Variants in NXPE2 observed in about 807,000 individuals in gnomAD.
NXPE2 encodes the protein NXPE family member 2.
Under a neutral mutation model 34.4 loss-of-function variants are expected in NXPE2, and 34 were observed. The observed-to-expected ratio is 0.99, with a 90% confidence interval of 0.75 to 1.31. The LOEUF is 1.31. NXPE2 is among the 40% of genes most tolerant of loss of function. The pLI is 0.00. For missense variants in NXPE2, 649 were observed against 672.5 expected (o/e 0.97, Z 0.39); for synonymous variants, 235 against 231.3 (o/e 1.02, Z -0.15).
the NXPE2 span, among the ~76,000 whole-genome samples, chr11:114,520,401 G>A: frequency 1.3e-5 from 2 of 151,834 alleles, no homozygotes; most frequent in Non-Finnish European, 2.9e-5. Flanking sequence ...TTTACTTAGC[G>A]TAACGTCCTC....
the NXPE2 span, among the ~76,000 whole-genome samples, chr11:114,500,782 G>C: frequency 6.6e-6 from 1 of 152,112 alleles, no homozygotes; most frequent in South Asian, 2.1e-4. Flanking sequence ...TTGGTATGAA[G>C]TGGTATGAAT....
chr11:114,621,054 C>T, the NXPE2 span, among the ~76,000 whole-genome samples: 8 of 152,212 alleles, frequency 5.3e-5, no homozygotes, highest in Admixed American at 2.0e-4. Flanking sequence ...AGTGTTGCCT[C>T]GTTGGTAACC....
the NXPE2 span, among the ~76,000 whole-genome samples, chr11:114,799,263 C>T: frequency 1.5e-5 from 1 of 66,576 alleles, no homozygotes; most frequent in Non-Finnish European, 2.8e-5. Flanking sequence ...ATCTGTCCTA[C>T]AAATGGAGAA....
chr11:114,645,888 A>T, the NXPE2 span, among the ~76,000 whole-genome samples: 1 of 152,182 alleles, frequency 6.6e-6, no homozygotes, highest in Non-Finnish European at 1.5e-5. Flanking sequence ...TATTTGGCAT[A>T]ATGGGCTCTT....
At chr11:114,650,301 A>T in the NXPE2 span, among the ~76,000 whole-genome samples, 99 of 152,332 alleles carry the variant, frequency 6.5e-4, no homozygotes, top group African/African-American at 2.3e-3. Context: ...GTTAAACGCC[A>T]AATGTGAGCT....
chr11:114,542,228 T>C, the NXPE2 span, among the ~76,000 whole-genome samples: 1 of 152,130 alleles, frequency 6.6e-6, no homozygotes, highest in Non-Finnish European at 1.5e-5. Flanking sequence ...ATTTGTAGAG[T>C]AAAATGTTTA....
At chr11:114,538,670 A>G in the NXPE2 span, among the ~76,000 whole-genome samples, 1 of 152,122 alleles carries the variant, frequency 6.6e-6, no homozygotes, top group Non-Finnish European at 1.5e-5. Context: ...GCAGCCAAAA[A>G]ACACGTGAAA....
At chr11:114,563,280 ATC>A in the NXPE2 span, among the ~76,000 whole-genome samples, 1 of 152,194 alleles carries the variant, frequency 6.6e-6, no homozygotes, top group Non-Finnish European at 1.5e-5. Flanking sequence ...CTAATCCCTC[ATC>A]TCTCTTTTTA....
At chr11:114,742,620 AT>A in the NXPE2 span, among the ~76,000 whole-genome samples, 34 of 133,688 alleles carry the variant, frequency 2.5e-4, no homozygotes, top group African/African-American at 8.2e-4. Context: ...TTATTCTTGG[AT>A]TTTTTTTTTT....
the NXPE2 span, among the ~76,000 whole-genome samples, chr11:114,642,440 C>G: frequency 6.6e-6 from 1 of 151,990 alleles, no homozygotes; most frequent in Non-Finnish European, 1.5e-5. Context: ...CAGCCCCCGA[C>G]AGGCCCAGGT....
the NXPE2 span, among the ~76,000 whole-genome samples, chr11:114,490,488 T>A: frequency 6.6e-6 from 1 of 152,220 alleles, no homozygotes; most frequent in African/African-American, 2.4e-5. Flanking sequence ...AGCATGGTAC[T>A]GATACCAAAA....
chr11:114,687,689 G>C (rs375211840), intron 2 of NXPE2, among the ~76,000 whole-genome samples: 18 of 151,952 alleles, frequency 1.2e-4, no homozygotes, highest in African/African-American at 3.6e-4. Flanking sequence ...ACATTGCTTT[G>C]GGCAGTATGG....
chr11:114,584,118 A>G, the NXPE2 span: 5 of 293,046 alleles, frequency 1.7e-5, no homozygotes, highest in Middle Eastern at 1.2e-3. Context: ...GAATCTGTCA[A>G]GAGTGTCAAC....
the NXPE2 span, among the ~76,000 whole-genome samples, chr11:114,765,821 T>G: frequency 6.6e-6 from 1 of 152,208 alleles, no homozygotes; most frequent in Non-Finnish European, 1.5e-5. Flanking sequence ...CAAGGACTTT[T>G]CTTTAGTGCT....
chr11:114,671,585 A>G, the NXPE2 span, among the ~76,000 whole-genome samples: 3 of 152,132 alleles, frequency 2.0e-5, no homozygotes, highest in South Asian at 6.2e-4. Flanking sequence ...TAAGACTAAC[A>G]ACTGACTTTT....
At chr11:114,757,335 G>T in the NXPE2 span, among the ~76,000 whole-genome samples, 1 of 150,522 alleles carries the variant, frequency 6.6e-6, no homozygotes, top group South Asian at 2.1e-4. Context: ...TTTCTCCACC[G>T]AGAGAGGGCA....
At chr11:114,594,832 A>C in the NXPE2 span, 8 of 858,462 alleles carry the variant, frequency 9.3e-6, no homozygotes, top group Non-Finnish European at 1.1e-5. Context: ...GCAAACAAAC[A>C]TGGGAAACAT....
At chr11:114,547,799 T>G in the NXPE2 span, among the ~76,000 whole-genome samples, 2 of 152,066 alleles carry the variant, frequency 1.3e-5, no homozygotes, top group Non-Finnish European at 1.5e-5. Flanking sequence ...AAATGCATAT[T>G]AGGTAGAAAT....
At chr11:114,760,739 C>T in the NXPE2 span, among the ~76,000 whole-genome samples, 1 of 152,140 alleles carries the variant, frequency 6.6e-6, no homozygotes, top group South Asian at 2.1e-4. Flanking sequence ...AAAAAGAGAG[C>T]TGTTTAATAA....
Sources: allele counts gnomAD v4.1 joint callset (sites outside exome capture counted in the v4.1 genomes callset), GRCh38; gene constraint gnomAD v4.1.1; transcripts MANE v1.5; gene names NCBI Gene and HGNC (gene_info 2026-07-23, HGNC 2026-07-21).